The following NME7 variants were observed in gnomAD, a reference collection of about 807,000 sequenced individuals.
NME7 encodes NME/NM23 family member 7, also known as nucleoside diphosphate kinase 7.
A neutral mutation model predicts 49.1 loss-of-function variants in NME7; 41 were observed. The ratio of observed to expected loss-of-function variants is 0.83; its 90% confidence interval spans 0.65 to 1.08. The LOEUF (loss-of-function observed/expected upper bound fraction) is 1.08, where lower values mean the gene tolerates loss of function less well. Ranked by LOEUF, NME7 falls within the 50% of genes least tolerant of loss-of-function variation. The pLI, the probability that NME7 is intolerant of heterozygous loss-of-function variation, is 0.00. For synonymous variants in NME7, 139 were observed against 150.6 expected (o/e 0.92, Z 0.56); for missense variants, 423 against 463.4 (o/e 0.91, Z 0.80).
intron 10 of NME7, among the ~76,000 whole-genome samples, chr1:169,208,229 T>G (rs748642788): frequency 1.2e-4 from 18 of 152,186 alleles, no homozygotes; most frequent in Non-Finnish European, 2.2e-4. Flanking sequence ...GACAATACAA[T>G]TCTTTTCTTC....
intron 7 of NME7, among the ~76,000 whole-genome samples, chr1:169,280,001 T>C (rs1649937862): frequency 6.6e-6 from 1 of 152,236 alleles, no homozygotes; most frequent in Non-Finnish European, 1.5e-5. Flanking sequence ...CTGGGCCAAA[T>C]GGTATTTCCA....
chr1:169,317,137 T>C (rs948333558), intron 3 of NME7, among the ~76,000 whole-genome samples: 2 of 152,078 alleles, frequency 1.3e-5, no homozygotes, highest in South Asian at 4.2e-4. Context: ...AAAACCTATA[T>C]GTTATTTACA....
intron 7 of NME7, among the ~76,000 whole-genome samples, chr1:169,279,381 C>G (rs550214610): frequency 6.6e-6 from 1 of 152,344 alleles, no homozygotes; most frequent in Admixed American, 6.5e-5. Context: ...CCTAAGCAAG[C>G]CTGGGCAATG....
chr1:169,166,670 AG>A (rs751040692), intron 11 of NME7, among the ~76,000 whole-genome samples: 39 of 152,316 alleles, frequency 2.6e-4, no homozygotes, highest in Non-Finnish European at 5.6e-4. Flanking sequence ...CTCGGTAAAA[AG>A]TCATTTAAAG....
chr1:169,287,436 A>C (rs756275974), intron 6 of NME7, 28 bp from the exon 7 acceptor site: 1 of 1,453,124 alleles, frequency 6.9e-7, no homozygotes, highest in Non-Finnish European at 9.4e-7. Context: ...TGATTTTGAC[A>C]AATGTGATCT....
At chr1:169,203,252 G>T (rs1309845628) in intron 10 of NME7, among the ~76,000 whole-genome samples, 1 of 152,134 alleles carries the variant, frequency 6.6e-6, no homozygotes, top group Non-Finnish European at 1.5e-5. Flanking sequence ...CATGCCTTAT[G>T]CAAATGAGAC....
At chr1:169,352,459 C>CCA (rs1338972053) in intron 1 of NME7, among the ~76,000 whole-genome samples, 1 of 152,032 alleles carries the variant, frequency 6.6e-6, no homozygotes, top group Non-Finnish European at 1.5e-5. Flanking sequence ...TATGACAGCC[C>CCA]CACAGCTAGT....
rs1652385690 is a variant in NME7 at position 169,334,570 on chromosome 1, G to T, written c.4-10070C>A. On this transcript the variant is annotated intron_variant, in intron 1 of 11. Coordinates refer to ENST00000367811, the MANE Select transcript of NME7 (RefSeq NM_013330.5). ...TTTATAGAAAAATTAACTCAAGATG[G>T]ATTAAAGACTTAAATGTAAAACCCA... 2.6e-5 allele frequency among the ~76,000 whole-genome samples: 4 copies of T among 152,060 alleles called. No homozygotes were observed. In the South Asian group the frequency reaches 8.3e-4, roughly 32 times the overall value.
At chr1:169,363,929 G>A (rs958412818) in intron 1 of NME7, among the ~76,000 whole-genome samples, 10 of 152,098 alleles carry the variant, frequency 6.6e-5, no homozygotes, top group Admixed American at 4.6e-4. Flanking sequence ...ATGTAAGACA[G>A]GCAAAAACCA....
intron 3 of NME7, among the ~76,000 whole-genome samples, chr1:169,318,445 T>C (rs1286078651): frequency 6.6e-6 from 1 of 151,940 alleles, no homozygotes; most frequent in East Asian, 1.9e-4. Flanking sequence ...GACAAGTAAA[T>C]TGGTAAGATT....
Position 169,230,703 on chromosome 1 carries a change from T to G in NME7, c.990+15A>C. 6.4e-7 allele frequency: 1 copy of G among 1,558,954 alleles called. No individual in the cohort carries two copies. The highest frequency in any genetic ancestry group is 8.7e-7 in the Non-Finnish European group (1 of 1,144,468). On this transcript the variant is annotated intron_variant, in intron 10 of 11. Coordinates refer to ENST00000367811, the MANE Select transcript of NME7 (RefSeq NM_013330.5). ...GATAACACAAACTAGGATAATATTT[T>G]AAACAATAACTTACAGGATCAGCAG...
At chr1:169,207,404 T>C (rs1166608433) in intron 10 of NME7, among the ~76,000 whole-genome samples, 1 of 151,940 alleles carries the variant, frequency 6.6e-6, no homozygotes, top group Non-Finnish European at 1.5e-5. Context: ...CAAACCAAAC[T>C]AGAGCACCCC....
At chr1:169,167,122 GATGTATATAAGT>G (rs1364053263) in intron 11 of NME7, among the ~76,000 whole-genome samples, 1 of 152,166 alleles carries the variant, frequency 6.6e-6, no homozygotes, top group African/African-American at 2.4e-5. Context: ...AACAGGCAAG[GATGTATATAAGT>G]ATTCAATAAA....
At chr1:169,247,555 G>T (rs1648375919) in intron 7 of NME7, among the ~76,000 whole-genome samples, 1 of 152,130 alleles carries the variant, frequency 6.6e-6, no homozygotes, top group Admixed American at 6.6e-5. Context: ...ATATAGTGGT[G>T]AAGTCTGAGA....
chr1:169,333,133 A>G (rs1047739401), intron 1 of NME7, among the ~76,000 whole-genome samples: 2 of 152,222 alleles, frequency 1.3e-5, no homozygotes, highest in African/African-American at 4.8e-5. Flanking sequence ...ATAAAAAAGA[A>G]TGAGATCCAG....
At position 169,290,695 on chromosome 1, in the gene NME7, A is replaced by T. The variant is rs544335340; in HGVS notation, c.649-3287T>A. ...TAATTAAACTAAAAAGCTTCTGCAT[A>T]GCAAAAGAGAAATTATCATCAGAGT... On this transcript the variant is annotated intron_variant, in intron 6 of 11. Transcript: ENST00000367811. Among the ~76,000 whole-genome samples the T allele has an allele frequency of 5.9e-5, 9 of 152,360 alleles. 1 individual carries two copies. In the Middle Eastern group the frequency reaches 0.014, roughly 230 times the overall value.
chr1:169,290,203 A>C (rs1650443932), intron 6 of NME7, among the ~76,000 whole-genome samples: 1 of 152,146 alleles, frequency 6.6e-6, no homozygotes, highest in Non-Finnish European at 1.5e-5. Context: ...TAATTTTATT[A>C]TGATAATAAA....
chr1:169,237,782 TTATACTC>T (rs1315746655), intron 7 of NME7, 95 bp from the exon 8 acceptor site: 1 of 820,458 alleles, frequency 1.2e-6, no homozygotes, highest in Non-Finnish European at 2.0e-6. Flanking sequence ...TACTTTTTGT[TTATACTC>T]TATATTTAAA....
At chr1:169,354,725 C>T (rs1056944925) in intron 1 of NME7, among the ~76,000 whole-genome samples, 3 of 129,152 alleles carry the variant, frequency 2.3e-5, no homozygotes, top group East Asian at 2.0e-4. Context: ...TATATATATA[C>T]ACACATACAC....
Sources: allele counts gnomAD v4.1 joint callset (sites outside exome capture counted in the v4.1 genomes callset), GRCh38; gene constraint gnomAD v4.1.1; transcripts MANE v1.5; gene names NCBI Gene and HGNC (gene_info 2026-07-23, HGNC 2026-07-21).